Variants in PRKAR1B observed in about 807,000 individuals in gnomAD.
The protein encoded by PRKAR1B is protein kinase cAMP-dependent type I regulatory subunit beta, also known as cAMP-dependent protein kinase type I-beta regulatory subunit.
In PRKAR1B, 22 loss-of-function variants were observed where a neutral mutation model predicts 46.5. The observed-to-expected ratio is 0.47, with a 90% CI of 0.34 to 0.68. The LOEUF (loss-of-function observed/expected upper bound fraction) is 0.68. Ranked by LOEUF, PRKAR1B falls within the 30% of genes least tolerant of loss-of-function variation. PRKAR1B has a pLI of 0.01. For missense variants in PRKAR1B, 445 were observed against 535.6 expected, an observed-to-expected ratio of 0.83 and a Z score of 1.67; for synonymous variants, 259 against 217.7, an observed-to-expected ratio of 1.19 and a Z score of -1.67.
At chr7:625,972 C>A (rs1382743731) in intron 4 of PRKAR1B, among the ~76,000 whole-genome samples, 2 of 142,924 alleles carry the variant, frequency 1.4e-5, no homozygotes, top group Non-Finnish European at 3.0e-5. Flanking sequence ...CGCGCCATTG[C>A]ACTCCAGCCT....
At chr7:624,357 C>A (rs535488669) in intron 4 of PRKAR1B, among the ~76,000 whole-genome samples, 2 of 152,124 alleles carry the variant, frequency 1.3e-5, no homozygotes, top group Admixed American at 1.3e-4. Flanking sequence ...CGCTTGAATC[C>A]AGAAGGTGGG....
At chr7:673,780 A>G (rs552867399) in intron 4 of PRKAR1B, among the ~76,000 whole-genome samples, 2 of 152,326 alleles carry the variant, frequency 1.3e-5, no homozygotes, top group Admixed American at 1.3e-4. Context: ...AGGTCCTGAA[A>G]CAACAGAAAC....
intron 2 of PRKAR1B, among the ~76,000 whole-genome samples, chr7:688,087 C>T (rs1034522207): frequency 1.5e-5 from 2 of 131,244 alleles, no homozygotes; most frequent in Admixed American, 8.0e-5. Flanking sequence ...CAAACCAACA[C>T]TCCACCTCAA....
At chr7:695,029 T>TGAAA (rs1779651696) in intron 2 of PRKAR1B, among the ~76,000 whole-genome samples, 1 of 125,612 alleles carries the variant, frequency 8.0e-6, no homozygotes, top group African/African-American at 3.7e-5. Context: ...AGACTCCGTC[T>TGAAA]CAAAAAAAAA....
At chr7:696,358 G>A (rs771577899) in intron 2 of PRKAR1B, among the ~76,000 whole-genome samples, 1 of 151,812 alleles carries the variant, frequency 6.6e-6, no homozygotes, top group African/African-American at 2.4e-5. Context: ...TGCAGCCTCC[G>A]CCTCAAGGCT....
rs953606944 is a variant in PRKAR1B, at chr7:579,370, C to T, written c.777G>A (p.Leu259=). 23 of 1,613,708 alleles carry T rather than the reference C, an allele frequency of 1.4e-5. No homozygotes were observed. Among genetic ancestry groups the T allele is most frequent in the Non-Finnish European group, 8.5e-7 (1 of 1,180,046 alleles). The change falls in exon 9 of 11, where the codon CTG becomes CTA. Residue 259 remains leucine (L), a synonymous_variant. Coordinates refer to ENST00000537384, the MANE Select transcript of PRKAR1B (RefSeq NM_001164760.2). ...FLSKVSILES[L]EKWERLTVAD... Reference sequence around the variant, plus strand: ...CCACGGTCAGACGCTCCCACTTCTCCAGGGACTCTGTCGGGGGAGGATGAG... The same window carrying T: ...CCACGGTCAGACGCTCCCACTTCTCTAGGGACTCTGTCGGGGGAGGATGAG...
rs1278532669 is a variant in PRKAR1B at position 598,326 on chromosome 7, T to TCCCTC, written c.550-2023_550-2022insGAGGG. Reference sequence around the variant, plus strand: ...CCCTCCACACTAAACACCATCGCCCTCACTCCAGCACCCTCCGCTCTAAAC... The same window carrying TCCCTC: ...CCCTCCACACTAAACACCATCGCCCTCCCTCCACTCCAGCACCCTCCGCTCTAAAC... On this transcript the variant is annotated intron_variant, in intron 6 of 10. Transcript: ENST00000537384. Among the ~76,000 whole-genome samples the TCCCTC allele has an allele frequency of 1.3e-4, 16 of 125,690 alleles. 4 individuals are homozygous for TCCCTC. Among genetic ancestry groups the TCCCTC allele is most frequent in the African/African-American group, 4.6e-4 (15 of 32,292 alleles). The allele number at this position is 125,690 out of a possible 152,430, so 82.5% of individuals were successfully genotyped here.
intron 1 of PRKAR1B, among the ~76,000 whole-genome samples, chr7:723,439 C>A (rs1476766699): frequency 1.3e-5 from 2 of 152,164 alleles, no homozygotes; most frequent in African/African-American, 4.8e-5. Context: ...CCCAGGGGAC[C>A]CACCACCTTG....
intron 4 of PRKAR1B, among the ~76,000 whole-genome samples, chr7:621,137 T>C (rs1269806993): frequency 6.6e-6 from 1 of 152,238 alleles, no homozygotes; most frequent in African/African-American, 2.4e-5. Flanking sequence ...CACAGTACAG[T>C]ACATACAATG....
chr7:707,956 G>A (rs1317817490), intron 2 of PRKAR1B, among the ~76,000 whole-genome samples: 1 of 149,518 alleles, frequency 6.7e-6, no homozygotes, highest in Non-Finnish European at 1.5e-5. Context: ...GACCCAGAAG[G>A]AGCCATCCCA....
At chr7:592,063 T>C (rs1781005967) in intron 7 of PRKAR1B, among the ~76,000 whole-genome samples, 1 of 152,078 alleles carries the variant, frequency 6.6e-6, no homozygotes, top group African/African-American at 2.4e-5. Context: ...GGTGCCCACT[T>C]TTCCTCCCAC....
rs116709601 is a variant in PRKAR1B, at chr7:662,809, C to T, written c.440+14420G>A. ...CAAGTCTCCTGGGACACCCTCCAAG[C>T]AATGCTGAGTCCTGGGCCCCAGCCT... is the stretch of plus-strand genomic sequence containing the variant. On this transcript the variant is annotated intron_variant, in intron 4 of 10. Coordinates refer to ENST00000537384, the MANE Select transcript of PRKAR1B (RefSeq NM_001164760.2). 6.2e-3 allele frequency among the ~76,000 whole-genome samples: 951 copies of T among 152,332 alleles called. 11 individuals are homozygous for T. The highest frequency in any genetic ancestry group is 0.022 in the African/African-American group (895 of 41,572).
chr7:576,204 G>A (rs1583230714), intron 9 of PRKAR1B, among the ~76,000 whole-genome samples: 1 of 149,032 alleles, frequency 6.7e-6, no homozygotes, highest in African/African-American at 2.5e-5. Flanking sequence ...CACATGGGCA[G>A]GCGTGCACGC....
intron 1 of PRKAR1B, among the ~76,000 whole-genome samples, chr7:719,326 C>T (rs1780994566): frequency 1.3e-5 from 2 of 152,246 alleles, no homozygotes; most frequent in Non-Finnish European, 2.9e-5. Flanking sequence ...AGGCATGAGC[C>T]ATTGTGCCCG....
intron 4 of PRKAR1B, among the ~76,000 whole-genome samples, chr7:670,159 C>T (rs932921016): frequency 6.6e-6 from 1 of 151,950 alleles, no homozygotes; most frequent in Non-Finnish European, 1.5e-5. Flanking sequence ...TGAGCCACCG[C>T]GCCCAGCCCC....
intron 4 of PRKAR1B, among the ~76,000 whole-genome samples, chr7:665,203 G>A (rs1378415683): frequency 6.6e-6 from 1 of 152,172 alleles, no homozygotes; most frequent in Non-Finnish European, 1.5e-5. Flanking sequence ...GAAAATGACT[G>A]TTCTCTTAAA....
intron 4 of PRKAR1B, among the ~76,000 whole-genome samples, chr7:673,131 G>A (rs1000254828): frequency 6.9e-6 from 1 of 145,680 alleles, no homozygotes; most frequent in Non-Finnish European, 1.5e-5. Context: ...CTGTGGACCA[G>A]GGACCTCCCG....
At chr7:563,056 T>C (rs972610461) in intron 9 of PRKAR1B, among the ~76,000 whole-genome samples, 1 of 152,002 alleles carries the variant, frequency 6.6e-6, no homozygotes, top group Non-Finnish European at 1.5e-5. Context: ...CCCCAACCCT[T>C]CCACACACCA....
chr7:711,972 G>A (rs1034971544), intron 1 of PRKAR1B, among the ~76,000 whole-genome samples: 4 of 151,814 alleles, frequency 2.6e-5, no homozygotes, highest in Admixed American at 2.6e-4. Flanking sequence ...CAGGGGAGGG[G>A]GAGATGAGGG....
Sources: allele counts gnomAD v4.1 joint callset (sites outside exome capture counted in the v4.1 genomes callset), GRCh38; gene constraint gnomAD v4.1.1; transcripts MANE v1.5; gene names NCBI Gene and HGNC (gene_info 2026-07-23, HGNC 2026-07-21).